The following POU6F2 variants were observed in gnomAD, a reference collection of about 807,000 sequenced individuals.
POU6F2 encodes POU class 6 homeobox 2.
A neutral mutation model predicts 71.3 loss-of-function variants in POU6F2; 31 were observed. The ratio of observed to expected loss-of-function variants is 0.43; its 90% CI spans 0.33 to 0.59. The LOEUF (loss-of-function observed/expected upper bound fraction) is 0.59, where lower values mean the gene tolerates loss of function less well. POU6F2 is among the 20% of genes least tolerant of loss of function. The pLI, the probability that POU6F2 is intolerant of heterozygous loss-of-function variation, is 0.04. For synonymous variants in POU6F2, 347 were observed against 355.7 expected (o/e 0.98, Z 0.27); for missense variants, 783 against 856.8 (o/e 0.91, Z 1.07).
At chr7:39,180,196 G>T (rs917232586) in intron 2 of POU6F2, among the ~76,000 whole-genome samples, 5 of 152,142 alleles carry the variant, frequency 3.3e-5, no homozygotes, top group African/African-American at 1.2e-4. Context: ...ATACGCCCAG[G>T]TGTGTATCCA....
intron 2 of POU6F2, among the ~76,000 whole-genome samples, chr7:39,093,028 A>G (rs529359381): frequency 2.0e-4 from 31 of 152,256 alleles, no homozygotes; most frequent in Admixed American, 7.8e-4. Context: ...ATGAATGTCT[A>G]TATTTTATTT....
intron 5 of POU6F2, among the ~76,000 whole-genome samples, chr7:39,386,663 T>C (rs1171398844): frequency 6.6e-6 from 1 of 152,230 alleles, no homozygotes; most frequent in Non-Finnish European, 1.5e-5. Context: ...CATGTTGAGC[T>C]AGAGTCCCAC....
intron 2 of POU6F2, among the ~76,000 whole-genome samples, chr7:39,196,585 A>C (rs10250849): frequency 0.83 from 126,273 of 151,944 alleles, 52,904 homozygotes; most frequent in East Asian, 1. Context: ...ATGGAAAAAC[A>C]CTGTCTCTAC....
chr7:39,437,743 C>G (rs1788284286), intron 7 of POU6F2, among the ~76,000 whole-genome samples: 1 of 152,138 alleles, frequency 6.6e-6, no homozygotes, highest in Non-Finnish European at 1.5e-5. Flanking sequence ...TTCTAGCTTT[C>G]TGATGTGAGC....
chr7:39,015,556 A>G (rs1365897248), intron 1 of POU6F2, among the ~76,000 whole-genome samples: 11 of 65,166 alleles, frequency 1.7e-4, no homozygotes, highest in Non-Finnish European at 3.4e-4. Context: ...TATGTTTTAT[A>G]TAGATCTACA....
chr7:39,224,074 A>G (rs932614629), intron 4 of POU6F2, among the ~76,000 whole-genome samples: 36 of 152,186 alleles, frequency 2.4e-4, no homozygotes, highest in Admixed American at 1.8e-3. Flanking sequence ...TCATCTGTAC[A>G]GGCTGCCCCA....
chr7:39,133,685 G>A (rs1424399533), intron 2 of POU6F2, among the ~76,000 whole-genome samples: 1 of 152,072 alleles, frequency 6.6e-6, no homozygotes, highest in African/African-American at 2.4e-5. Context: ...TCTCCTTAGT[G>A]TCAACCTAAC....
At position 39,373,304 on chromosome 7, in the gene POU6F2, C is replaced by T. The variant is rs1042456670; in HGVS notation, c.972+33289C>T. ...GAGATAAGTTCTGATAATGTTGGGA[C>T]GCTGAGCGGTTTCCACAGATTGTAA... On this transcript the variant is annotated intron_variant, in intron 5 of 9. Transcript: ENST00000518318. Among the ~76,000 whole-genome samples, 9 of 152,100 alleles carry T rather than the reference C, an allele frequency of 5.9e-5. No homozygotes were observed. In the East Asian group the frequency reaches 1.3e-3, roughly 23 times the overall value.
At chr7:39,390,680 G>A (rs1432468996) in intron 5 of POU6F2, among the ~76,000 whole-genome samples, 4 of 152,104 alleles carry the variant, frequency 2.6e-5, no homozygotes, top group South Asian at 2.1e-4. Flanking sequence ...TCGTTAAATC[G>A]GCGGATAACA....
intron 1 of POU6F2, among the ~76,000 whole-genome samples, chr7:39,031,583 C>T (rs970468330): frequency 6.6e-6 from 1 of 152,028 alleles, no homozygotes; most frequent in African/African-American, 2.4e-5. Context: ...ATTTAGCTTT[C>T]TTAGCATTGC....
chr7:39,230,281 C>T (rs1484031510), intron 4 of POU6F2, among the ~76,000 whole-genome samples: 4 of 151,998 alleles, frequency 2.6e-5, no homozygotes, highest in Non-Finnish European at 4.4e-5. Flanking sequence ...GAGTCCAAGA[C>T]CAACCTGAGC....
At chr7:39,139,673 G>T (rs1352109517) in intron 2 of POU6F2, among the ~76,000 whole-genome samples, 1 of 152,108 alleles carries the variant, frequency 6.6e-6, no homozygotes, top group Non-Finnish European at 1.5e-5. Context: ...GATTTTTGCA[G>T]CTCTTTAATG....
chr7:39,052,864 T>C (rs1790424581), intron 1 of POU6F2, among the ~76,000 whole-genome samples: 1 of 152,142 alleles, frequency 6.6e-6, no homozygotes, highest in African/African-American at 2.4e-5. Context: ...GGACCTTGGC[T>C]TTGTCCATTC....
At chr7:39,061,161 CATTTGACATGTAAA>C (rs147774888) in intron 1 of POU6F2, among the ~76,000 whole-genome samples, 25,958 of 151,922 alleles carry the variant, frequency 0.17, 2,338 homozygotes, top group Middle Eastern at 0.2. Flanking sequence ...TATTATTTTA[CATTTGACATGTAAA>C]ATAGAATGAC....
chr7:39,202,612 C>A (rs1793927495), intron 2 of POU6F2, among the ~76,000 whole-genome samples: 1 of 152,124 alleles, frequency 6.6e-6, no homozygotes, highest in South Asian at 2.1e-4. Context: ...TAAGAAAGAA[C>A]AGAGACTTGC....
chr7:39,308,923 C>T (rs1785101624), intron 4 of POU6F2, among the ~76,000 whole-genome samples: 1 of 152,222 alleles, frequency 6.6e-6, no homozygotes, highest in Non-Finnish European at 1.5e-5. Flanking sequence ...GTTCTGATGG[C>T]CATTTTGGAA....
At chr7:39,143,783 T>C (rs1028857964) in intron 2 of POU6F2, among the ~76,000 whole-genome samples, 7 of 152,236 alleles carry the variant, frequency 4.6e-5, no homozygotes, top group Admixed American at 3.3e-4. Context: ...AGGAACTTTA[T>C]TGAGGATCTG....
At chr7:39,026,209 A>C (rs1263858083) in intron 1 of POU6F2, among the ~76,000 whole-genome samples, 2 of 151,308 alleles carry the variant, frequency 1.3e-5, no homozygotes, top group African/African-American at 2.4e-5. Context: ...TCAGGGATCT[A>C]GAACTAGAAA....
chr7:39,382,197 A>T (rs1453810073), intron 5 of POU6F2, among the ~76,000 whole-genome samples: 1 of 152,240 alleles, frequency 6.6e-6, no homozygotes, highest in Non-Finnish European at 1.5e-5. Context: ...ATAATTAACA[A>T]GTAACAAGAG....
Sources: allele counts gnomAD v4.1 joint callset (sites outside exome capture counted in the v4.1 genomes callset), GRCh38; gene constraint gnomAD v4.1.1; transcripts MANE v1.5; gene names NCBI Gene and HGNC (gene_info 2026-07-23, HGNC 2026-07-21).